Variants in ANKRD46 observed in about 807,000 individuals in gnomAD.
The protein encoded by ANKRD46 is ankyrin repeat domain 46, also known as ankyrin repeat domain-containing protein 46.
ANKRD46 carries 13 observed loss-of-function variants against 19.8 expected under a neutral mutation model. The ratio of observed to expected loss-of-function variants is 0.66; its 90% CI spans 0.43 to 1.04. The LOEUF is 1.04. ANKRD46 is among the 50% of genes least tolerant of loss of function. The pLI, the probability that ANKRD46 is intolerant of heterozygous loss-of-function variation, is 0.00. For synonymous variants in ANKRD46, 91 were observed against 106.9 expected, an observed-to-expected ratio of 0.85 and a Z score of 0.92; for missense variants, 185 against 274.8, an observed-to-expected ratio of 0.67 and a Z score of 2.31.
rs1812222513 is a variant in ANKRD46 at position 100,543,888 on chromosome 8, C to T, written c.-130-10577G>A. Among the ~76,000 whole-genome samples, 1 of 151,940 alleles carries T rather than the reference C, an allele frequency of 6.6e-6. No homozygotes were observed. The highest frequency in any genetic ancestry group is 1.5e-5 in the Non-Finnish European group (1 of 68,006). ...TTTATTCAAATAGTGTCCTTTCATA[C>T]CATGTCTCTCTGGCCCAAATTTTTC... On this transcript the variant is annotated intron_variant, in intron 1 of 4. Transcript: ENST00000335659. The surrounding 1 kb of genome is among the most constrained non-coding windows in gnomAD (Gnocchi z 4.2).
At chr8:100,514,516 A>C (rs536765825) in intron 5 of ANKRD46, among the ~76,000 whole-genome samples, 3 of 151,978 alleles carry the variant, frequency 2.0e-5, no homozygotes, top group African/African-American at 7.2e-5. Flanking sequence ...ATAAATCTTT[A>C]GGGAAAAAAA....
rs373116229 is a variant in ANKRD46 at position 100,532,073 on chromosome 8, G to A, written c.-28+1136C>T. ...GATATGAAATGAAGGGTGAAAAGGG[G>A]CTGTTAAGAATAATTTCAAATACGA... On this transcript the variant is annotated intron_variant, in intron 2 of 4. Coordinates refer to ENST00000335659, the MANE Select transcript of ANKRD46 (RefSeq NM_001270377.2). The surrounding 1 kb of genome is among the most constrained non-coding windows in gnomAD (Gnocchi z 4.7). Among the ~76,000 whole-genome samples the A allele has an allele frequency of 4.6e-5, 7 of 152,200 alleles. No individual in the cohort carries two copies. Among genetic ancestry groups the A allele is most frequent in the African/African-American group, 1.7e-4 (7 of 41,524 alleles).
At chr8:100,514,617 C>CTTTTTTTTTTTTTTTTTTTTTTT (rs35216029) in intron 5 of ANKRD46, among the ~76,000 whole-genome samples, 1 of 74,062 alleles carries the variant, frequency 1.4e-5, no homozygotes, top group African/African-American at 5.6e-5. Flanking sequence ...CCTCCATCTT[C>CTTTTTTTTTTTTTTTTTTTTTTT]TTTTTTTTTT....
chr8:100,552,572 C>T (rs1156903234), intron 1 of ANKRD46, among the ~76,000 whole-genome samples: 2 of 152,156 alleles, frequency 1.3e-5, no homozygotes, highest in East Asian at 1.9e-4. Context: ...AGGGGTCAGT[C>T]TTTATTATCT....
chr8:100,510,641 T>A lies in ANKRD46; in HGVS notation c.637-2A>T. The stretch of plus-strand genomic sequence containing the variant: ...GCTTCCAAGCCTCAGTGTCCTTCTC[T>A]GTAAATGTGGGGAAGACAGATTAAA... On this transcript the variant is annotated splice_acceptor_variant, in intron 5 of 5. Coordinates refer to the ANKRD46 transcript ENST00000520552. LOFTEE classifies it high-confidence loss of function. This position sits in a 1 kb window ranked among gnomAD's most constrained non-coding sequence, Gnocchi z 4.9. The A allele has an allele frequency of 6.5e-7, 1 of 1,533,910 alleles. No individual in the cohort carries two copies. Among genetic ancestry groups the A allele is most frequent in the Non-Finnish European group, 8.7e-7 (1 of 1,145,774 alleles).
intron 2 of ANKRD46, among the ~76,000 whole-genome samples, chr8:100,530,574 G>A (rs917367008): frequency 5.3e-5 from 8 of 152,142 alleles, no homozygotes; most frequent in South Asian, 2.1e-4. Flanking sequence ...TAGTAGAGAC[G>A]GGGTTTCACC....
intron 3 of ANKRD46, among the ~76,000 whole-genome samples, chr8:100,528,751 C>T (rs898744570): frequency 6.6e-6 from 1 of 152,062 alleles, no homozygotes; most frequent in African/African-American, 2.4e-5. Flanking sequence ...CAGTCAATTC[C>T]TACCCCATTT....
rs575611113 is a variant in ANKRD46, at chr8:100,551,570, C to A, written c.-131+8141G>T. 33 of 753,556 alleles carry A rather than the reference C, an allele frequency of 4.4e-5. No individual in the cohort carries two copies. In the African/African-American group the frequency reaches 4.8e-4, roughly 11 times the overall value. 46.7% of individuals were successfully genotyped at this position (753,556 alleles called of 1,614,324 possible). On this transcript the variant is annotated intron_variant, in intron 1 of 4. Transcript: ENST00000335659. Reference sequence around the variant, plus strand: ...GTGGAATTTGCCATGGGTAGAAATACTGGAACATGCAGACCATGTAGTTGA... The same window carrying A: ...GTGGAATTTGCCATGGGTAGAAATAATGGAACATGCAGACCATGTAGTTGA...
At position 100,534,108 on chromosome 8, in the gene ANKRD46, T is replaced by C. The variant is rs1467434549; in HGVS notation, c.-130-797A>G. 6.6e-6 allele frequency among the ~76,000 whole-genome samples: 1 copy of C among 152,244 alleles called. No individual in the cohort carries two copies. Among genetic ancestry groups the C allele is most frequent in the Non-Finnish European group, 1.5e-5 (1 of 68,036 alleles). ...CTGCAATGTGCCAGATACCATGCTA[T>C]CAAGTCCAAATCCCAAATTCCTGGT... On this transcript the variant is annotated intron_variant, in intron 1 of 4. Transcript: ENST00000335659. This position sits in a 1 kb window ranked among gnomAD's most constrained non-coding sequence, Gnocchi z 4.2.
Position 100,511,604 on chromosome 8 carries a change from A to C in ANKRD46, c.637-965T>G, listed in dbSNP as rs1811548945. 6.6e-6 allele frequency among the ~76,000 whole-genome samples: 1 copy of C among 152,234 alleles called. No homozygotes were observed. The highest frequency in any genetic ancestry group is 6.5e-5 in the Admixed American group (1 of 15,292). The stretch of plus-strand genomic sequence containing the variant: ...ATCATATACACATACCTATTTTAAA[A>C]GGTTGACATTGAAATAAGTTGACTG... On this transcript the variant is annotated intron_variant, in intron 5 of 5. Transcript: ENST00000520552. This position sits in a 1 kb window ranked among gnomAD's most constrained non-coding sequence, Gnocchi z 4.1.
At chr8:100,520,758 A>AAG (rs1554688720), downstream of ANKRD46, 34 of 962,246 alleles carry the variant, frequency 3.5e-5, no homozygotes, top group South Asian at 9.6e-5. Flanking sequence ...AAAAAAAAAA[A>AAG]AGAGAAATCG....
chr8:100,522,684 A>T lies in ANKRD46; in HGVS notation c.558T>A (p.Phe186Leu). The T allele has an allele frequency of 6.2e-7, 1 of 1,614,150 alleles. No individual in the cohort carries two copies. Among genetic ancestry groups the T allele is most frequent in the Non-Finnish European group, 8.5e-7 (1 of 1,180,016 alleles). ...LSSFRTTWQE[F>L]VEDLGFWRVL... ...CTCTCCAGAAGCCCAGATCCTCCAC[A>T]AACTCCTGCCACGTGGTTCGGAAGC... The change falls in exon 5 of 5, where the codon TTT becomes TTA. Residue 186 changes from phenylalanine (F) to leucine (L), a missense_variant. Transcript: ENST00000335659.
At chr8:100,554,283 A>C (rs893574609) in intron 1 of ANKRD46, among the ~76,000 whole-genome samples, 6 of 151,960 alleles carry the variant, frequency 3.9e-5, no homozygotes, top group Non-Finnish European at 8.8e-5. Context: ...AATCCTTGTG[A>C]ACAAAGATAA....
chr8:100,522,620 C>T lies in ANKRD46; in HGVS notation c.622G>A (p.Gly208Ser). 1 of 1,613,992 alleles carries T rather than the reference C, an allele frequency of 6.2e-7. No homozygotes were observed. Among genetic ancestry groups the T allele is most frequent in the Admixed American group, 1.7e-5 (1 of 59,998 alleles). ...ACCCCACTCACATAATAAGCAATGCCAAGAGACAGCAAAGCAATGACGAAG... is the reference window on the plus strand; with the variant it reads ...ACCCCACTCACATAATAAGCAATGCTAAGAGACAGCAAAGCAATGACGAAG... The part of the protein sequence containing the change: ...LIFVIALLSL[G>S]IAYYVSGVLP... Residue 208 changes from glycine (G) to serine (S), a missense_variant, in exon 5 of 5, where the codon GGC (glycine) becomes AGC (serine). Gly to Ser is a moderately conservative substitution (Grantham distance 56, BLOSUM62 0). Coordinates refer to ENST00000335659, the MANE Select transcript of ANKRD46 (RefSeq NM_001270377.2).
chr8:100,547,199 C>T (rs772053996), intron 1 of ANKRD46, among the ~76,000 whole-genome samples: 1 of 152,120 alleles, frequency 6.6e-6, no homozygotes, highest in African/African-American at 2.4e-5. Flanking sequence ...TATGGTTTGG[C>T]TCTATGTCCC....
At chr8:100,547,283 G>C (rs926252944) in intron 1 of ANKRD46, among the ~76,000 whole-genome samples, 1 of 152,110 alleles carries the variant, frequency 6.6e-6, no homozygotes, top group African/African-American at 2.4e-5. Context: ...CTGGATCATG[G>C]GGGCGGTTTT....
chr8:100,533,979 A>T (rs980917380), intron 1 of ANKRD46, among the ~76,000 whole-genome samples: 17 of 152,170 alleles, frequency 1.1e-4, no homozygotes, highest in Admixed American at 3.3e-4. Context: ...CTGTCTGCCC[A>T]CTCAGCTCTT....
chr8:100,531,521 C>T (rs984764328), intron 2 of ANKRD46, among the ~76,000 whole-genome samples: 1 of 152,150 alleles, frequency 6.6e-6, no homozygotes, highest in Admixed American at 6.5e-5. Flanking sequence ...CATTAACATA[C>T]ACTGAGACTT....
rs934191969 is a variant in ANKRD46, at chr8:100,545,094, G to A, written c.-130-11783C>T. ...AATCCCAGCACTTTTGGAGGCAGAG[G>A]TGGGAGAATTGCTTGAGCCCAGGCA... is the stretch of plus-strand genomic sequence containing the variant. On this transcript the variant is annotated intron_variant, in intron 1 of 4. Transcript: ENST00000335659. This position sits in a 1 kb window ranked among gnomAD's most constrained non-coding sequence, Gnocchi z 4.7. Among the ~76,000 whole-genome samples the A allele has an allele frequency of 2.6e-5, 4 of 152,218 alleles. No individual in the cohort carries two copies. Among genetic ancestry groups the A allele is most frequent in the African/African-American group, 7.2e-5 (3 of 41,450 alleles).
Sources: gnomAD v4.1 joint callset for allele counts (sites outside exome capture counted in the v4.1 genomes callset) on GRCh38, gnomAD v4.1.1 for gene constraint, Gnocchi (gnomAD v3.1) non-coding constraint, MANE v1.5 for transcripts, NCBI Gene and HGNC (gene_info 2026-07-23, HGNC 2026-07-21) for gene names.